Variants in ARHGAP39 observed in about 807,000 individuals in gnomAD.
ARHGAP39 encodes the protein rho GTPase-activating protein 39.
Under a neutral mutation model 106.9 loss-of-function variants are expected in ARHGAP39, and 44 were observed. The ratio of observed to expected loss-of-function variants is 0.41; its 90% CI spans 0.32 to 0.53. The LOEUF is 0.53. Among genes scored for constraint, ARHGAP39 ranks in the 20% least tolerant of loss-of-function variants. The probability of loss-of-function intolerance (pLI) is 0.21; values close to 1 mark genes in which losing one functional copy is unlikely to be tolerated. For synonymous variants in ARHGAP39, 768 were observed against 693.2 expected (o/e 1.11, Z -1.69); for missense variants, 1,496 against 1,577.3 (o/e 0.95, Z 0.87).
At chr8:144,566,374 G>A (rs1818397126) in intron 3 of ARHGAP39, among the ~76,000 whole-genome samples, 2 of 152,018 alleles carry the variant, frequency 1.3e-5, no homozygotes, top group South Asian at 4.1e-4. Context: ...GACCACCCTG[G>A]GCAACATGGT....
intron 7 of ARHGAP39, among the ~76,000 whole-genome samples, chr8:144,537,464 C>T (rs944261317): frequency 6.6e-6 from 1 of 152,126 alleles, no homozygotes; most frequent in Non-Finnish European, 1.5e-5. Context: ...TATCATGCCC[C>T]CACCCCATCA....
chr8:144,674,554 A>G (rs4398967), intron 1 of ARHGAP39, among the ~76,000 whole-genome samples: 60 of 152,332 alleles, frequency 3.9e-4, no homozygotes, highest in Admixed American at 9.8e-4. Flanking sequence ...ACTCTGGTCC[A>G]TGGAACTGGC....
At chr8:144,566,556 A>G (rs1417085629) in intron 3 of ARHGAP39, among the ~76,000 whole-genome samples, 2 of 152,172 alleles carry the variant, frequency 1.3e-5, no homozygotes, top group South Asian at 2.1e-4. Flanking sequence ...CCCTGCCTCA[A>G]AAAAATAGAA....
intron 7 of ARHGAP39, among the ~76,000 whole-genome samples, 180 bp downstream of exon 7, chr8:144,537,541 G>A (rs1385336239): frequency 6.6e-6 from 1 of 152,134 alleles, no homozygotes; most frequent in Non-Finnish European, 1.5e-5. Context: ...AGGCTTGACC[G>A]CTCCAGGGGT....
Position 144,532,299 on chromosome 8 carries a change from A to G in ARHGAP39, c.2980+6T>C, listed in dbSNP as rs767320961. 41 of 1,611,876 alleles carry G rather than the reference A, an allele frequency of 2.5e-5. No individual in the cohort carries two copies. The highest frequency in any genetic ancestry group is 3.3e-5 in the Non-Finnish European group (39 of 1,179,534). On this transcript the variant is annotated splice_donor_region_variant and intron_variant, in intron 10 of 11. Coordinates refer to ENST00000377307, the MANE Select transcript of ARHGAP39 (RefSeq NM_025251.3). ...CGCTCTGCTGCAGCGTGTGTGGGGGACTCACCAGGGACGTGGGGGTCTTCC... is the reference window on the plus strand; with the variant it reads ...CGCTCTGCTGCAGCGTGTGTGGGGGGCTCACCAGGGACGTGGGGGTCTTCC...
chr8:144,600,592 G>C (rs1563697754), intron 2 of ARHGAP39, among the ~76,000 whole-genome samples: 1 of 146,124 alleles, frequency 6.8e-6, no homozygotes, highest in African/African-American at 2.6e-5. Flanking sequence ...TTGTATACCT[G>C]AGTGTGCGTG....
At position 144,532,288 on chromosome 8, in the gene ARHGAP39, G is replaced by C; in HGVS notation, c.2980+17C>G. 1 of 1,610,814 alleles carries C rather than the reference G, an allele frequency of 6.2e-7. No homozygotes were observed. Among genetic ancestry groups the C allele is most frequent in the Non-Finnish European group, 8.5e-7 (1 of 1,178,604 alleles). On this transcript the variant is annotated intron_variant, in intron 10 of 11. Coordinates refer to ENST00000377307, the MANE Select transcript of ARHGAP39 (RefSeq NM_025251.3). ...TGAGCCAGGCCCGCTCTGCTGCAGC[G>C]TGTGTGGGGGACTCACCAGGGACGT...
chr8:144,663,322 G>T (rs1314453374), intron 1 of ARHGAP39, among the ~76,000 whole-genome samples: 1 of 152,134 alleles, frequency 6.6e-6, no homozygotes, highest in African/African-American at 2.4e-5. Context: ...TCTGCTTCTG[G>T]TGAGGCCTCA....
At chr8:144,651,453 A>G (rs969666573) in intron 1 of ARHGAP39, among the ~76,000 whole-genome samples, 1 of 152,220 alleles carries the variant, frequency 6.6e-6, no homozygotes, top group African/African-American at 2.4e-5. Context: ...CTGTAATCCT[A>G]GCATGTTGGG....
intron 3 of ARHGAP39, among the ~76,000 whole-genome samples, chr8:144,557,612 G>A (rs370092908): frequency 8.1e-5 from 6 of 73,960 alleles, no homozygotes; most frequent in Non-Finnish European, 1.5e-4. Context: ...AGAGGCAAAG[G>A]CTGAACCTTC....
chr8:144,672,154 C>T (rs2129728930), intron 1 of ARHGAP39, among the ~76,000 whole-genome samples: 1 of 152,374 alleles, frequency 6.6e-6, no homozygotes, highest in East Asian at 1.9e-4. Flanking sequence ...AACACAGCCG[C>T]AATTAAATAG....
chr8:144,698,771 T>C, the ARHGAP39 span: 5 of 454,082 alleles, frequency 1.1e-5, no homozygotes, highest in African/African-American at 4.0e-5. Context: ...TCCTTGGCCA[T>C]GAGTGGGTCA....
At chr8:144,639,289 G>A (rs1433650055) in intron 1 of ARHGAP39, among the ~76,000 whole-genome samples, 15 of 144,824 alleles carry the variant, frequency 1.0e-4, no homozygotes, top group Non-Finnish European at 2.1e-4. Context: ...TCGCACCACT[G>A]CACTCCAGCC....
Position 144,679,139 on chromosome 8 carries a change from C to T in ARHGAP39, c.-82+6547G>A, listed in dbSNP as rs1444873288. On this transcript the variant is annotated intron_variant, in intron 1 of 11. Coordinates refer to ENST00000377307, the MANE Select transcript of ARHGAP39 (RefSeq NM_025251.3). This position sits in a 1 kb window ranked among gnomAD's most constrained non-coding sequence, Gnocchi z 4.7. ...GTCTGAGCCGCCTCAGGGGCTCTCG[C>T]GCATGGTGGCCGGCTCCAGCGTCCA... Among the ~76,000 whole-genome samples the T allele has an allele frequency of 2.0e-5, 3 of 152,190 alleles. No homozygotes were observed. The highest frequency in any genetic ancestry group is 3.9e-4 in the East Asian group (2 of 5,180).
At chr8:144,699,573 G>A in the ARHGAP39 span, among the ~76,000 whole-genome samples, 1 of 145,364 alleles carries the variant, frequency 6.9e-6, no homozygotes, top group African/African-American at 2.6e-5. Context: ...GAGGCTTAGG[G>A]GGCTGGTGGG....
upstream of ARHGAP39, among the ~76,000 whole-genome samples, chr8:144,686,452 T>G (rs1822592087): frequency 6.6e-6 from 1 of 152,206 alleles, no homozygotes; most frequent in Non-Finnish European, 1.5e-5. Context: ...TGAATCTGAC[T>G]GGCATTTCTG....
intron 6 of ARHGAP39, among the ~76,000 whole-genome samples, chr8:144,539,795 C>T (rs753312864): frequency 3.3e-5 from 5 of 152,320 alleles, no homozygotes; most frequent in Admixed American, 6.5e-5. Context: ...GCCACACTCT[C>T]GTTAGTCTAG....
At chr8:144,606,044 C>T (rs118110784) in intron 1 of ARHGAP39, among the ~76,000 whole-genome samples, 142 of 152,324 alleles carry the variant, frequency 9.3e-4, no homozygotes, top group Non-Finnish European at 1.7e-3. Flanking sequence ...GGGAGGAGGG[C>T]GAACAGGAGG....
At chr8:144,667,001 G>A (rs890519210) in intron 1 of ARHGAP39, among the ~76,000 whole-genome samples, 3 of 152,160 alleles carry the variant, frequency 2.0e-5, no homozygotes, top group South Asian at 2.1e-4. Flanking sequence ...ACCTTTGCAC[G>A]CAAGGCCAAG....
Sources: allele counts gnomAD v4.1 joint callset (sites outside exome capture counted in the v4.1 genomes callset), GRCh38; gene constraint gnomAD v4.1.1; non-coding constraint Gnocchi (gnomAD v3.1); transcripts MANE v1.5; gene names NCBI Gene and HGNC (gene_info 2026-07-23, HGNC 2026-07-21).